MGAT1: variants seen among roughly 807,000 people sequenced by gnomAD.
MGAT1 encodes the protein alpha-1,3-mannosyl-glycoprotein 2-beta-N-acetylglucosaminyltransferase, also known as N-glycosyl-oligosaccharide-glycoprotein N-acetylglucosaminyltransferase I.
In MGAT1, 14 loss-of-function variants were observed where a neutral mutation model predicts 31.7. The observed-to-expected ratio is 0.44, with a 90% CI of 0.29 to 0.69. The LOEUF is 0.69. Among genes scored for constraint, MGAT1 ranks in the 30% least tolerant of loss-of-function variants. MGAT1 has a pLI of 0.12. For synonymous variants in MGAT1, 338 were observed against 276.0 expected (o/e 1.22, Z -2.23); for missense variants, 557 against 626.0 (o/e 0.89, Z 1.18).
At chr5:180,814,302 A>G (rs1652179733) in intron 1 of MGAT1, among the ~76,000 whole-genome samples, 1 of 152,208 alleles carries the variant, frequency 6.6e-6, no homozygotes, top group Admixed American at 6.5e-5. Context: ...TAAAGAAACA[A>G]CCACACTCAC....
rs757222204 is a variant in MGAT1 at position 180,792,857 on chromosome 5, A to T, written c.115T>A (p.Ser39Thr). The T allele has an allele frequency of 1.9e-6, 3 of 1,576,082 alleles. No individual in the cohort carries two copies. The highest frequency in any genetic ancestry group is 2.6e-6 in the Non-Finnish European group (3 of 1,161,728). ...GGGTCGCCATCGAGAGCGCTGACTG[A>T]GGGTGGCCTGCCAGGTGCTGGGCGC... ...WTRPAPGRPP[S>T]VSALDGDPAS... is the part of the protein sequence containing the mutation. The change falls in exon 2 of 2, where the codon TCA becomes ACA. Residue 39 changes from serine to threonine, a missense_variant. Coordinates refer to ENST00000307826, the MANE Select transcript of MGAT1 (RefSeq NM_002406.4).
chr5:180,800,424 G>T (rs1195146901), intron 1 of MGAT1, among the ~76,000 whole-genome samples: 2 of 152,220 alleles, frequency 1.3e-5, no homozygotes, highest in Non-Finnish European at 2.9e-5. Flanking sequence ...AGGCCTTGCT[G>T]AAAGACTCAA....
At chr5:180,805,132 A>G (rs369622088), upstream of MGAT1, among the ~76,000 whole-genome samples, 1 of 152,096 alleles carries the variant, frequency 6.6e-6, no homozygotes, top group Non-Finnish European at 1.5e-5. Flanking sequence ...CTGGAGTAAG[A>G]AGGATAGAAA....
chr5:180,808,347 A>G (rs1458604574), intron 2 of MGAT1, among the ~76,000 whole-genome samples: 1 of 152,096 alleles, frequency 6.6e-6, no homozygotes, highest in Non-Finnish European at 1.5e-5. Context: ...CAGTGTTGGA[A>G]GGGCCTTTAA....
chr5:180,801,854 C>G (rs991513220), intron 1 of MGAT1, among the ~76,000 whole-genome samples: 5 of 152,218 alleles, frequency 3.3e-5, no homozygotes, highest in Non-Finnish European at 7.3e-5. Flanking sequence ...CGCAGTGCTT[C>G]TAACAGTGAG....
intron 1 of MGAT1, among the ~76,000 whole-genome samples, chr5:180,793,633 G>C (rs1293741679): frequency 3.9e-5 from 6 of 152,180 alleles, no homozygotes; most frequent in Non-Finnish European, 8.8e-5. Flanking sequence ...AGCAGAAGTG[G>C]AAAGGAAGCA....
chr5:180,811,400 T>C (rs1437765995), intron 1 of MGAT1: 3 of 152,192 alleles, frequency 2.0e-5, no homozygotes, highest in African/African-American at 7.2e-5. Context: ...TGGGATATAT[T>C]ATTGCAAGGA....
intron 1 of MGAT1, among the ~76,000 whole-genome samples, chr5:180,813,787 C>T (rs1171496068): frequency 6.6e-6 from 1 of 152,168 alleles, no homozygotes; most frequent in Non-Finnish European, 1.5e-5. Context: ...AGTAAAATGG[C>T]CTCTGCTGTC....
At chr5:180,808,258 T>A (rs1772119207) in intron 2 of MGAT1, among the ~76,000 whole-genome samples, 2 of 152,082 alleles carry the variant, frequency 1.3e-5, no homozygotes. Context: ...TTCAGTTAGC[T>A]CCCCAAAACA....
upstream of MGAT1, among the ~76,000 whole-genome samples, chr5:180,804,954 G>T (rs1771638597): frequency 6.6e-6 from 1 of 152,204 alleles, no homozygotes; most frequent in Non-Finnish European, 1.5e-5. Flanking sequence ...CGGACTGCAA[G>T]AGACCATCCC....
At chr5:180,810,174 C>A (rs1273924740) in intron 1 of MGAT1, 1 of 151,260 alleles carries the variant, frequency 6.6e-6, no homozygotes, top group Non-Finnish European at 1.5e-5. Context: ...TCCCCTCGCA[C>A]TCCTTCCCCC....
At position 180,791,671 on chromosome 5, in the gene MGAT1, G is replaced by A; in HGVS notation, c.1301C>T (p.Pro434Leu). ...FRGRRVHLAP[P>L]LTWEGYDPSW... ...AGGATCATAGCCCTCCCACGTCAGT[G>A]GGGGCGCCAGGTGGACACGGCGGCC... Residue 434 changes from proline to leucine, a missense_variant, in exon 2 of 2, where the codon CCA becomes CTA. Around this residue, in one of 3 missense-constraint regions of MGAT1, gnomAD observed 145 missense variants for 143.2 expected, o/e 1.01. Coordinates refer to ENST00000307826, the MANE Select transcript of MGAT1 (RefSeq NM_002406.4). The A allele has an allele frequency of 3.1e-6, 5 of 1,613,544 alleles. No homozygotes were observed. The highest frequency in any genetic ancestry group is 2.5e-6 in the Non-Finnish European group (3 of 1,179,744).
upstream of MGAT1, chr5:180,803,365 A>G (rs1189862533): frequency 2.6e-5 from 4 of 152,354 alleles, no homozygotes. Flanking sequence ...GTGGGGAATG[A>G]GAGCTTCAGT....
chr5:180,811,769 C>T (rs1772592097), intron 1 of MGAT1, among the ~76,000 whole-genome samples: 1 of 152,046 alleles, frequency 6.6e-6, no homozygotes, highest in Non-Finnish European at 1.5e-5. Context: ...AATAAAACGC[C>T]AAAGTCCTTA....
At chr5:180,801,917 G>C (rs1440107201) in intron 1 of MGAT1, among the ~76,000 whole-genome samples, 1 of 152,228 alleles carries the variant, frequency 6.6e-6, no homozygotes, top group East Asian at 1.9e-4. Context: ...CCAGAATTGG[G>C]AAGGACCAGG....
intron 1 of MGAT1, among the ~76,000 whole-genome samples, chr5:180,799,303 C>T (rs976764890): frequency 3.3e-5 from 5 of 152,176 alleles, no homozygotes; most frequent in Non-Finnish European, 5.9e-5. Flanking sequence ...GCTTTTTCCC[C>T]AGTAAGCATA....
chr5:180,793,163 A>G, intron 1 of MGAT1, 66 bp from the exon 2 acceptor site: 1 of 687,262 alleles, frequency 1.5e-6, no homozygotes, highest in Non-Finnish European at 2.4e-6. Context: ...CCACAGGTAG[A>G]GGAAATGGGG....
In MGAT1 at chr5:180,793,071, C is replaced by T. The variant is rs1768589428; in HGVS notation, c.-100G>A. 1.4e-6 allele frequency: 2 copies of T among 1,422,814 alleles called. No homozygotes were observed. Among genetic ancestry groups the T allele is most frequent in the Non-Finnish European group, 9.5e-7 (1 of 1,050,340 alleles). The allele number at this position is 1,422,814 out of a possible 1,614,324, so 88.1% of individuals were successfully genotyped here. A position where few individuals can be genotyped will look rare whatever the true frequency, so the allele number is the denominator to read the frequency against. The stretch of plus-strand genomic sequence containing the variant: ...CAGTCCTAGGGATGCCTCCTCTGGA[C>T]TATGGGATTAGGAGGCAGCCATGCA... On this transcript the variant is annotated 5_prime_UTR_variant, in exon 2 of 2. Transcript: ENST00000307826.
At chr5:180,814,813 G>A (rs1170569636) in intron 1 of MGAT1, among the ~76,000 whole-genome samples, 2 of 151,916 alleles carry the variant, frequency 1.3e-5, no homozygotes, top group East Asian at 3.9e-4. Context: ...GGTGGCAGGT[G>A]CCTGTAATCC....
Sources: allele counts gnomAD v4.1 joint callset (sites outside exome capture counted in the v4.1 genomes callset), GRCh38; gene constraint gnomAD v4.1.1; regional missense constraint gnomAD v4.1.1; transcripts MANE v1.5; gene names NCBI Gene and HGNC (gene_info 2026-07-23, HGNC 2026-07-21).